Variants in IKZF1 observed in about 807,000 individuals in gnomAD.
The protein encoded by IKZF1 is DNA-binding protein Ikaros.
Under a neutral mutation model 51.7 loss-of-function variants are expected in IKZF1, and 10 were observed. That is an observed-to-expected ratio of 0.19 (90% CI 0.12 to 0.33). The LOEUF is 0.33. Ranked by LOEUF, IKZF1 falls within the 10% of genes least tolerant of loss-of-function variation. IKZF1 has a pLI of 1.00. For missense variants in IKZF1, 484 were observed against 707.5 expected (o/e 0.68, Z 3.58); for synonymous variants, 280 against 282.3 (o/e 0.99, Z 0.08).
chr7:50,397,376 A>C (rs1816987312), intron 7 of IKZF1, among the ~76,000 whole-genome samples: 1 of 152,234 alleles, frequency 6.6e-6, no homozygotes, highest in South Asian at 2.1e-4. Context: ...ATTCTATGGT[A>C]ATTTTCATGT....
intron 3 of IKZF1, among the ~76,000 whole-genome samples, chr7:50,362,969 T>C (rs1805696733): frequency 1.3e-5 from 2 of 152,092 alleles, no homozygotes; most frequent in Admixed American, 1.3e-4. Context: ...TTCATGGCCA[T>C]GCTGGGATGT....
At chr7:50,369,329 G>C (rs1323229018) in intron 3 of IKZF1, 1 of 392,392 alleles carries the variant, frequency 2.5e-6, no homozygotes, top group Non-Finnish European at 4.5e-6. Context: ...GTCAGCCAGA[G>C]CATATGTTGA....
chr7:50,391,961 C>T, intron 7 of IKZF1, 98 bp downstream of exon 7: 1 of 1,415,816 alleles, frequency 7.1e-7, no homozygotes, highest in Non-Finnish European at 9.3e-7. Context: ...GGAAAAAAAT[C>T]TTATTTTTTC....
In IKZF1 at chr7:50,325,724, A is replaced by G. The variant is rs535481614; in HGVS notation, c.41-1914A>G. Among the ~76,000 whole-genome samples the G allele has an allele frequency of 8.5e-5, 13 of 152,156 alleles. No homozygotes were observed. The East Asian group carries it at 2.3e-3, about 27-fold the overall frequency. On this transcript the variant is annotated intron_variant, in intron 2 of 7. Transcript: ENST00000331340. ...TGGGAGGCCGAGCTTGCAGTGAGCC[A>G]AGATCGCGCCACTGCACTCCAGCCT...
chr7:50,371,668 C>T (rs1808720674), intron 3 of IKZF1, among the ~76,000 whole-genome samples: 1 of 152,228 alleles, frequency 6.6e-6, no homozygotes, highest in African/African-American at 2.4e-5. Context: ...CTTGCCTCTC[C>T]TCGGCACCTT....
intron 3 of IKZF1, among the ~76,000 whole-genome samples, chr7:50,337,921 G>T (rs1324739508): frequency 6.6e-6 from 1 of 152,158 alleles, no homozygotes; most frequent in African/African-American, 2.4e-5. Context: ...CTCAGGTGAG[G>T]ACCCTGCTGG....
intron 3 of IKZF1, among the ~76,000 whole-genome samples, chr7:50,359,478 T>C (rs1804568746): frequency 6.6e-6 from 1 of 152,166 alleles, no homozygotes; most frequent in African/African-American, 2.4e-5. Flanking sequence ...GATCTGACAT[T>C]CCGAACAGTG....
intron 4 of IKZF1, among the ~76,000 whole-genome samples, chr7:50,380,445 T>G (rs1045563053): frequency 6.6e-6 from 1 of 152,210 alleles, no homozygotes; most frequent in Non-Finnish European, 1.5e-5. Flanking sequence ...CTGTTTTCCC[T>G]GTAGCCCTCC....
intron 3 of IKZF1, among the ~76,000 whole-genome samples, chr7:50,349,271 T>C (rs939409550): frequency 4.6e-5 from 7 of 152,238 alleles, no homozygotes; most frequent in East Asian, 1.9e-4. Context: ...GAAATCTGAC[T>C]ATATAGCTAC....
At chr7:50,319,197 A>T in intron 2 of IKZF1, 96 bp downstream of exon 2, 6 of 953,398 alleles carry the variant, frequency 6.3e-6, no homozygotes, top group East Asian at 2.4e-5. Flanking sequence ...GGGGAGGAAT[A>T]GGGGCTATTC....
intron 4 of IKZF1, among the ~76,000 whole-genome samples, chr7:50,381,024 C>T (rs897451454): frequency 6.6e-6 from 1 of 152,168 alleles, no homozygotes; most frequent in African/African-American, 2.4e-5. Flanking sequence ...CAGATACCTC[C>T]TGGTTAGTAT....
rs561331186 is a variant in IKZF1 at position 50,345,716 on chromosome 7, G to T, written c.160+17959G>T. 3.9e-5 allele frequency among the ~76,000 whole-genome samples: 6 copies of T among 152,302 alleles called. No individual in the cohort carries two copies. The South Asian group carries it at 1.2e-3, about 32-fold the overall frequency. ...GAAAAAAAAGGTAAAAGATAGAAAT[G>T]AAATACAGAATAATCTATCTCCTCA... On this transcript the variant is annotated intron_variant, in intron 3 of 7. Coordinates refer to ENST00000331340, the MANE Select transcript of IKZF1 (RefSeq NM_006060.6).
At chr7:50,396,844 C>T (rs1326488402) in intron 7 of IKZF1, among the ~76,000 whole-genome samples, 1 of 152,188 alleles carries the variant, frequency 6.6e-6, no homozygotes, top group African/African-American at 2.4e-5. Context: ...TACCCTAAGC[C>T]ATCAGCACTG....
intron 7 of IKZF1, among the ~76,000 whole-genome samples, chr7:50,396,415 T>C (rs1026360469): frequency 4.6e-5 from 7 of 152,228 alleles, no homozygotes; most frequent in African/African-American, 1.7e-4. Context: ...ACCCGAAATC[T>C]CTTTTTTCCT....
rs536443921 is a variant in IKZF1, at chr7:50,364,594, T to C, written c.161-11939T>C. Among the ~76,000 whole-genome samples, 192 of 152,216 alleles carry C rather than the reference T, an allele frequency of 1.3e-3. 1 individual carries two copies. The South Asian group carries it at 0.035, about 28-fold the overall frequency. Reference sequence around the variant, plus strand: ...CTGCTTCTTATGACAAGCAAGAGGGTCAACTTAGAGGCAGGACTGTCTTCA... The same window carrying C: ...CTGCTTCTTATGACAAGCAAGAGGGCCAACTTAGAGGCAGGACTGTCTTCA... On this transcript the variant is annotated intron_variant, in intron 3 of 7. Coordinates refer to ENST00000331340, the MANE Select transcript of IKZF1 (RefSeq NM_006060.6).
intron 3 of IKZF1, among the ~76,000 whole-genome samples, chr7:50,349,830 A>C (rs1801376623): frequency 6.6e-6 from 1 of 152,192 alleles, no homozygotes; most frequent in Admixed American, 6.5e-5. Flanking sequence ...ATTCATGCTT[A>C]TGTTTTAAAA....
chr7:50,306,520 A>T (rs1416202968), intron 1 of IKZF1, among the ~76,000 whole-genome samples: 1 of 152,198 alleles, frequency 6.6e-6, no homozygotes, highest in Non-Finnish European at 1.5e-5. Flanking sequence ...CAGAAACATC[A>T]TAGCAATAAT....
At chr7:50,375,505 C>T (rs1053130795) in intron 3 of IKZF1, among the ~76,000 whole-genome samples, 11 of 152,154 alleles carry the variant, frequency 7.2e-5, no homozygotes, top group Non-Finnish European at 4.4e-5. Flanking sequence ...ACTACAAATT[C>T]TCTTAGTCAT....
intron 4 of IKZF1, 50 bp from the exon 5 acceptor site, chr7:50,382,490 T>C (rs2153477069): frequency 6.4e-7 from 1 of 1,567,952 alleles, no homozygotes; most frequent in Non-Finnish European, 8.7e-7. Flanking sequence ...ATCGTCCTCA[T>C]GTCCCCACGC....
Sources: gnomAD v4.1 joint callset for allele counts (sites outside exome capture counted in the v4.1 genomes callset) on GRCh38, gnomAD v4.1.1 for gene constraint, MANE v1.5 for transcripts, NCBI Gene and HGNC (gene_info 2026-07-23, HGNC 2026-07-21) for gene names.